The following OTC variants were observed in gnomAD, a reference collection of about 807,000 sequenced individuals.
OTC encodes the protein ornithine transcarbamylase.
Under a neutral mutation model 30.3 loss-of-function variants are expected in OTC, and 3 were observed. The observed-to-expected ratio is 0.10, with a 90% CI of 0.05 to 0.26. The LOEUF is 0.26. OTC is among the 10% of genes least tolerant of loss of function. The probability of loss-of-function intolerance (pLI) is 1.00; values close to 1 mark genes in which losing one functional copy is unlikely to be tolerated. For missense variants in OTC, 194 were observed against 260.3 expected, an observed-to-expected ratio of 0.75 and a Z score of 1.75; for synonymous variants, 111 against 99.7, an observed-to-expected ratio of 1.11 and a Z score of -0.67.
chrX:38,422,140 C>T (rs1205640429), downstream of OTC, among the ~76,000 whole-genome samples: 2 of 111,791 alleles, frequency 1.8e-5, no homozygotes, highest in Non-Finnish European at 3.8e-5. Flanking sequence ...ATTTCCTTTA[C>T]ATTCTACATT....
intron 4 of OTC, among the ~76,000 whole-genome samples, chrX:38,391,032 G>T (rs940134795): frequency 9.0e-6 from 1 of 111,297 alleles, no homozygotes; most frequent in Non-Finnish European, 1.9e-5. Context: ...GGTTGGAAAG[G>T]ATTTATTTAT....
intron 4 of OTC, among the ~76,000 whole-genome samples, chrX:38,398,721 C>T (rs961233028): frequency 2.7e-5 from 3 of 111,362 alleles, no homozygotes; most frequent in Admixed American, 1.9e-4. Flanking sequence ...TATCTACCTC[C>T]ACTTAAGTTA....
Position 38,360,797 on chromosome X carries a change from C to T in OTC, c.78-6494C>T, listed in dbSNP as rs1176377222. On this transcript the variant is annotated intron_variant, in intron 1 of 9. Coordinates refer to ENST00000039007, the MANE Select transcript of OTC (RefSeq NM_000531.6). Reference sequence around the variant, plus strand: ...ATGAGTAATTCATAAAGCAAAACTTCATTGCTAACTCTTCAGTCTACAAAT... The same window carrying T: ...ATGAGTAATTCATAAAGCAAAACTTTATTGCTAACTCTTCAGTCTACAAAT... Among the ~76,000 whole-genome samples the T allele has an allele frequency of 4.4e-5, 5 of 112,451 alleles. No homozygotes were observed. The East Asian group carries it at 1.1e-3, about 25-fold the overall frequency.
At chrX:38,407,298 A>T (rs73632483) in intron 6 of OTC, among the ~76,000 whole-genome samples, 7,257 of 112,319 alleles carry the variant, frequency 0.065, 618 homozygotes, top group African/African-American at 0.22. Context: ...TCTCTGCAGC[A>T]GAGGCAGTGC....
chrX:38,381,497 C>A, intron 4 of OTC, 68 bp downstream of exon 4: 1 of 714,427 alleles, frequency 1.4e-6, no homozygotes, highest in Non-Finnish European at 2.2e-6. Context: ...AAAAATAAAA[C>A]ATAATTCTCT....
At chrX:38,369,062 T>C (rs2068310942) in intron 2 of OTC, among the ~76,000 whole-genome samples, 2 of 110,834 alleles carry the variant, frequency 1.8e-5, no homozygotes, top group African/African-American at 6.6e-5. Context: ...GGCTTCATCA[T>C]TGATCTAAGT....
intron 4 of OTC, among the ~76,000 whole-genome samples, chrX:38,397,762 T>C (rs1430724895): frequency 9.0e-6 from 1 of 111,406 alleles, no homozygotes; most frequent in African/African-American, 3.3e-5. Flanking sequence ...TCCTCCCACC[T>C]CCTCTCTCAC....
chrX:38,344,288 A>G, the OTC span, among the ~76,000 whole-genome samples: 1 of 110,681 alleles, frequency 9.0e-6, no homozygotes, highest in South Asian at 3.9e-4. Context: ...CGTGGAGAGA[A>G]AAAAAGGAGC....
intron 2 of OTC, 38 bp from the exon 3 acceptor site, chrX:38,369,756 TAA>T (rs776853370): frequency 8.3e-6 from 6 of 720,617 alleles, no homozygotes; most frequent in Middle Eastern, 4.3e-4. Flanking sequence ...AATTTATATA[TAA>T]GATATATTTT....
intron 6 of OTC, among the ~76,000 whole-genome samples, chrX:38,408,462 G>A (rs749064508): frequency 1.8e-5 from 2 of 111,920 alleles, no homozygotes; most frequent in African/African-American, 6.5e-5. Flanking sequence ...AACCGGAAGA[G>A]GTGCTTCCAA....
At chrX:38,331,487 T>C in the OTC span, among the ~76,000 whole-genome samples, 2 of 103,204 alleles carry the variant, frequency 1.9e-5, no homozygotes, top group Non-Finnish European at 4.0e-5. Context: ...TTTCATGATA[T>C]TGGTCAGGCT....
chrX:38,401,580 G>T (rs2068488640), intron 5 of OTC, 152 bp downstream of exon 5: 8 of 512,366 alleles, frequency 1.6e-5, no homozygotes, highest in Admixed American at 2.8e-5. Flanking sequence ...ATTTTCTGGG[G>T]AAAACAGGAC....
chrX:38,339,521 C>T, the OTC span, among the ~76,000 whole-genome samples: 1 of 84,622 alleles, frequency 1.2e-5, no homozygotes, highest in Admixed American at 1.4e-4. Context: ...AAGCCTAGTA[C>T]CCAATAGTTT....
intron 4 of OTC, among the ~76,000 whole-genome samples, chrX:38,381,779 G>A (rs2068378145): frequency 9.0e-6 from 1 of 111,698 alleles, no homozygotes; most frequent in South Asian, 3.7e-4. Flanking sequence ...TATCAGACTA[G>A]GTAATAATAT....
intron 4 of OTC, among the ~76,000 whole-genome samples, chrX:38,394,374 A>G (rs969905419): frequency 8.9e-6 from 1 of 112,119 alleles, no homozygotes; most frequent in Non-Finnish European, 1.9e-5. Context: ...ATTTAGGTAT[A>G]ATTTTTTTCC....
chrX:38,387,367 C>A (rs1323178100), intron 4 of OTC, among the ~76,000 whole-genome samples: 1 of 111,984 alleles, frequency 8.9e-6, no homozygotes, highest in African/African-American at 3.2e-5. Context: ...AAAATTAGAT[C>A]ATAATAAACA....
At chrX:38,342,004 A>T in the OTC span, among the ~76,000 whole-genome samples, 2 of 79,668 alleles carry the variant, frequency 2.5e-5, no homozygotes, top group African/African-American at 4.9e-5. Flanking sequence ...TATTTTCTTA[A>T]ATTTCACTTT....
In OTC at chrX:38,409,606, C is replaced by G. The variant is rs2068533478; in HGVS notation, c.867+581C>G. On this transcript the variant is annotated intron_variant, in intron 8 of 9. Coordinates refer to ENST00000039007, the MANE Select transcript of OTC (RefSeq NM_000531.6). ...CCCCAGGGTTTCTGATTCAGTAGGTCAGGGTGAAACCTGAGAATCTGCATT... is the reference window on the plus strand; with the variant it reads ...CCCCAGGGTTTCTGATTCAGTAGGTGAGGGTGAAACCTGAGAATCTGCATT... Among the ~76,000 whole-genome samples the G allele has an allele frequency of 4.5e-5, 5 of 112,080 alleles. No individual in the cohort carries two copies. In the Admixed American group the frequency reaches 4.7e-4, roughly 11 times the overall value.
intron 4 of OTC, among the ~76,000 whole-genome samples, chrX:38,386,510 G>GTATT (rs2068404023): frequency 9.0e-6 from 1 of 110,526 alleles, no homozygotes; most frequent in Non-Finnish European, 1.9e-5. Flanking sequence ...CTCCTTTTAT[G>GTATT]TATTTGACTA....
Sources: allele counts gnomAD v4.1 joint callset (sites outside exome capture counted in the v4.1 genomes callset), GRCh38; gene constraint gnomAD v4.1.1; transcripts MANE v1.5; gene names NCBI Gene and HGNC (gene_info 2026-07-23, HGNC 2026-07-21).